Variants in RBFOX1 observed in about 807,000 individuals in gnomAD.
RBFOX1 encodes RNA binding protein fox-1 homolog 1.
A neutral mutation model predicts 57.7 loss-of-function variants in RBFOX1; 8 were observed. The observed-to-expected ratio is 0.14, with a 90% CI of 0.08 to 0.25. The LOEUF (loss-of-function observed/expected upper bound fraction) is 0.25, where lower values mean the gene tolerates loss of function less well. Among genes scored for constraint, RBFOX1 ranks in the 10% least tolerant of loss-of-function variants. The pLI is 1.00. For missense variants in RBFOX1, 611 were observed against 548.5 expected (o/e 1.11, Z -1.14); for synonymous variants, 326 against 222.4 (o/e 1.47, Z -4.15).
At position 7,474,798 on chromosome 16, in the gene RBFOX1, A is replaced by G. The variant is rs1747199715; in HGVS notation, c.28-43349A>G. ...AGGATTAGATGAGTATAAAGCGTTC[A>G]CCATGAGGGTTCTAATCATTTAGCC... On this transcript the variant is annotated intron_variant, in intron 4 of 15. Coordinates refer to ENST00000550418, the MANE Select transcript of RBFOX1 (RefSeq NM_018723.4). Among the ~76,000 whole-genome samples, 2 of 152,218 alleles carry G rather than the reference A, an allele frequency of 1.3e-5. 1 individual carries two copies. Among genetic ancestry groups the G allele is most frequent in the South Asian group, 4.1e-4 (2 of 4,836 alleles).
chr16:5,813,667 T>C (rs1045094518), intron 3 of RBFOX1, among the ~76,000 whole-genome samples: 6 of 152,230 alleles, frequency 3.9e-5, no homozygotes, highest in African/African-American at 1.2e-4. Flanking sequence ...ATCAGGTATG[T>C]GATTTGCAAA....
At chr16:5,865,097 T>A (rs1268775460) in intron 3 of RBFOX1, among the ~76,000 whole-genome samples, 1 of 152,118 alleles carries the variant, frequency 6.6e-6, no homozygotes, top group Non-Finnish European at 1.5e-5. Flanking sequence ...AAGTATGACT[T>A]GGGGGACATC....
At chr16:5,864,633 TA>T (rs2057302487) in intron 3 of RBFOX1, among the ~76,000 whole-genome samples, 4 of 152,162 alleles carry the variant, frequency 2.6e-5, no homozygotes, top group Admixed American at 2.6e-4. Flanking sequence ...GTAGAGTTTT[TA>T]ATGTCAGCAT....
chr16:6,597,383 C>G (rs928853178), intron 2 of RBFOX1, among the ~76,000 whole-genome samples: 1 of 152,062 alleles, frequency 6.6e-6, no homozygotes, highest in African/African-American at 2.4e-5. Context: ...CCTTTAAAAC[C>G]AGGGACCCAA....
At chr16:6,486,341 A>G (rs2095481741) in intron 2 of RBFOX1, among the ~76,000 whole-genome samples, 1 of 152,016 alleles carries the variant, frequency 6.6e-6, no homozygotes, top group Admixed American at 6.6e-5. Context: ...GTCTAAATTT[A>G]TAATTTTTAT....
At chr16:7,511,972 G>A (rs2075214440) in intron 4 of RBFOX1, among the ~76,000 whole-genome samples, 1 of 152,178 alleles carries the variant, frequency 6.6e-6, no homozygotes, top group Non-Finnish European at 1.5e-5. Context: ...GTTTGCAAAA[G>A]CTCCTGAAGC....
intron 3 of RBFOX1, among the ~76,000 whole-genome samples, chr16:5,834,538 A>G (rs57448770): frequency 0.031 from 4,725 of 152,060 alleles, 237 homozygotes; most frequent in African/African-American, 0.1. Flanking sequence ...TATATTTGCA[A>G]TTGTGAATGT....
intron 1 of RBFOX1, among the ~76,000 whole-genome samples, chr16:6,128,687 T>C (rs1463041514): frequency 6.6e-6 from 1 of 152,204 alleles, no homozygotes; most frequent in East Asian, 1.9e-4. Context: ...CATGGAATTT[T>C]ACAGCTGGTC....
intron 4 of RBFOX1, among the ~76,000 whole-genome samples, chr16:7,347,758 G>C (rs1218254518): frequency 6.6e-6 from 1 of 152,156 alleles, no homozygotes; most frequent in Non-Finnish European, 1.5e-5. Flanking sequence ...CTTTATATCA[G>C]TGAACTATGC....
intron 3 of RBFOX1, among the ~76,000 whole-genome samples, chr16:5,674,109 C>T (rs2050096632): frequency 6.6e-6 from 1 of 152,130 alleles, no homozygotes; most frequent in African/African-American, 2.4e-5. Context: ...GATTCTACAG[C>T]AAAAGACACA....
chr16:6,551,101 C>A (rs1046256558), intron 2 of RBFOX1, among the ~76,000 whole-genome samples: 2 of 152,092 alleles, frequency 1.3e-5, no homozygotes, highest in African/African-American at 4.8e-5. Context: ...AATGGCTCTG[C>A]GTTTTGGGTT....
intron 3 of RBFOX1, among the ~76,000 whole-genome samples, chr16:6,783,237 T>C (rs1273136773): frequency 6.6e-6 from 1 of 151,972 alleles, no homozygotes; most frequent in Non-Finnish European, 1.5e-5. Flanking sequence ...ACACTCATTG[T>C]TATTATTGAT....
intron 2 of RBFOX1, among the ~76,000 whole-genome samples, chr16:5,475,735 T>C (rs1316224755): frequency 4.6e-5 from 7 of 152,234 alleles, no homozygotes; most frequent in Non-Finnish European, 7.3e-5. Flanking sequence ...TTTCATAAGA[T>C]GCCTACAGCC....
intron 4 of RBFOX1, among the ~76,000 whole-genome samples, chr16:5,892,329 T>C (rs1039901105): frequency 6.6e-6 from 1 of 152,196 alleles, no homozygotes; most frequent in Non-Finnish European, 1.5e-5. Flanking sequence ...CTGCCTTTGC[T>C]GTCAGAGAAG....
At chr16:5,756,932 A>G (rs1597122407) in intron 3 of RBFOX1, among the ~76,000 whole-genome samples, 1 of 152,242 alleles carries the variant, frequency 6.6e-6, no homozygotes, top group East Asian at 1.9e-4. Context: ...TAAAGGATAA[A>G]GCCCTTAACT....
At chr16:6,807,032 G>A (rs768118731) in intron 3 of RBFOX1, among the ~76,000 whole-genome samples, 77 of 151,382 alleles carry the variant, frequency 5.1e-4, no homozygotes, top group Non-Finnish European at 1.0e-3. Context: ...TGGGGTTTCA[G>A]CATGATTGCC....
At chr16:6,303,347 T>TAA (rs1248877331) in intron 1 of RBFOX1, among the ~76,000 whole-genome samples, 37,424 of 151,708 alleles carry the variant, frequency 0.25, 5,756 homozygotes, top group East Asian at 0.51. Flanking sequence ...TTTTTTTTTT[T>TAA]AAAAAATCGA....
chr16:5,493,499 C>T (rs1204086392), intron 2 of RBFOX1, among the ~76,000 whole-genome samples: 1 of 152,164 alleles, frequency 6.6e-6, no homozygotes, highest in African/African-American at 2.4e-5. Flanking sequence ...CAAAAAGTAC[C>T]CTGCCTCCAT....
At chr16:7,135,790 G>T (rs954111723) in intron 4 of RBFOX1, among the ~76,000 whole-genome samples, 1 of 152,196 alleles carries the variant, frequency 6.6e-6, no homozygotes, top group Admixed American at 6.5e-5. Flanking sequence ...TAATTATTCT[G>T]AAGGCCTCAT....
Sources: gnomAD v4.1 joint callset for allele counts (sites outside exome capture counted in the v4.1 genomes callset) on GRCh38, gnomAD v4.1.1 for gene constraint, MANE v1.5 for transcripts, NCBI Gene and HGNC (gene_info 2026-07-23, HGNC 2026-07-21) for gene names.